PPP2R2B: variants seen among roughly 807,000 people sequenced by gnomAD.
The protein encoded by PPP2R2B is protein phosphatase 2 regulatory subunit Bbeta, also known as serine/threonine-protein phosphatase 2A 55 kDa regulatory subunit B beta isoform.
Under a neutral mutation model 46.0 loss-of-function variants are expected in PPP2R2B, and 5 were observed. The observed-to-expected ratio is 0.11, with a 90% CI of 0.06 to 0.23. The LOEUF is 0.23. PPP2R2B is among the 10% of genes least tolerant of loss of function. The pLI, the probability that PPP2R2B is intolerant of heterozygous loss-of-function variation, is 1.00. For missense variants in PPP2R2B, 367 were observed against 575.0 expected (o/e 0.64, Z 3.70); for synonymous variants, 215 against 206.7 (o/e 1.04, Z -0.34).
intron 1 of PPP2R2B, among the ~76,000 whole-genome samples, chr5:146,979,278 T>C (rs1018946541): frequency 1.3e-5 from 2 of 152,180 alleles, no homozygotes; most frequent in African/African-American, 4.8e-5. Context: ...CTATCTAATA[T>C]TGCTTCTCTG....
At chr5:146,593,170 T>C in intron 8 of PPP2R2B, 108 bp from the exon 9 acceptor site, 1 of 979,340 alleles carries the variant, frequency 1.0e-6, no homozygotes, top group Non-Finnish European at 1.6e-6. Flanking sequence ...TTGTACATGC[T>C]CTTTGAATCA....
At chr5:146,967,682 C>T (rs537780375) in intron 1 of PPP2R2B, among the ~76,000 whole-genome samples, 5 of 152,234 alleles carry the variant, frequency 3.3e-5, no homozygotes, top group Admixed American at 2.0e-4. Flanking sequence ...AAAGCACTTC[C>T]CAGAATGTTT....
At chr5:146,630,317 T>C (rs1774342341) in intron 7 of PPP2R2B, among the ~76,000 whole-genome samples, 1 of 152,248 alleles carries the variant, frequency 6.6e-6, no homozygotes, top group Non-Finnish European at 1.5e-5. Flanking sequence ...CTAATTTTCT[T>C]ACAGCTTTTT....
intron 5 of PPP2R2B, among the ~76,000 whole-genome samples, chr5:146,683,125 A>G (rs1778282757): frequency 6.6e-6 from 1 of 152,100 alleles, no homozygotes; most frequent in African/African-American, 2.4e-5. Flanking sequence ...ATGTTCCCAG[A>G]GTCTGATGAT....
rs1769990152 is a variant in PPP2R2B at position 146,583,348 on chromosome 5, C to A, written c.*6599G>T. On this transcript the variant is annotated 3_prime_UTR_variant, in exon 10 of 10. Transcript: ENST00000394411. ...GAATGCATATTTGTGGGCCAGGCAT[C>A]CTTCTAAGAGCTTTGTGCATATTAA... 6.6e-6 allele frequency: 1 copy of A among 152,152 alleles called. No homozygotes were observed. Among genetic ancestry groups the A allele is most frequent in the Non-Finnish European group, 1.5e-5 (1 of 68,030 alleles). The allele number at this position is 152,152 out of a possible 1,614,324, so 9.4% of individuals were successfully genotyped here.
intron 1 of PPP2R2B, among the ~76,000 whole-genome samples, chr5:147,050,671 A>AAC (rs10631399): frequency 0.67 from 100,776 of 149,980 alleles, 34,675 homozygotes; most frequent in South Asian, 0.77. Flanking sequence ...GTTAGGGATA[A>AAC]ACACACACAC....
At chr5:146,687,308 G>A (rs551378394) in intron 5 of PPP2R2B, among the ~76,000 whole-genome samples, 45 of 152,220 alleles carry the variant, frequency 3.0e-4, no homozygotes, top group Non-Finnish European at 4.1e-4. Context: ...GCATCGGATC[G>A]AAGGGCTCAG....
At chr5:146,687,858 C>A (rs1160145247) in intron 5 of PPP2R2B, among the ~76,000 whole-genome samples, 3 of 152,114 alleles carry the variant, frequency 2.0e-5, no homozygotes, top group Non-Finnish European at 4.4e-5. Flanking sequence ...ATTAAATGTT[C>A]TCACTCTCAA....
At chr5:146,739,383 C>A (rs1414482051) in intron 2 of PPP2R2B, among the ~76,000 whole-genome samples, 2 of 152,086 alleles carry the variant, frequency 1.3e-5, no homozygotes, top group Non-Finnish European at 2.9e-5. Flanking sequence ...GCATTCCAAA[C>A]CCAGTGTTAA....
chr5:146,953,991 A>C (rs2151837279), intron 1 of PPP2R2B, among the ~76,000 whole-genome samples: 1 of 152,302 alleles, frequency 6.6e-6, no homozygotes, highest in East Asian at 1.9e-4. Flanking sequence ...TTGGGATATG[A>C]ATATCTACCA....
rs117551764 is a variant in PPP2R2B, at chr5:146,723,013, G to A, written c.71-21871C>T. 1.2e-3 allele frequency among the ~76,000 whole-genome samples: 184 copies of A among 152,186 alleles called. 1 individual carries two copies. The East Asian group carries it at 0.015, about 13-fold the overall frequency. On this transcript the variant is annotated intron_variant, in intron 2 of 9. Transcript: ENST00000394411. ...ATTCATCCTCGATCCTCAGATTGTC[G>A]TCTCTTCCTCCAGGAAGTCTTCCTT...
At chr5:146,945,035 G>C (rs1764435781) in intron 1 of PPP2R2B, among the ~76,000 whole-genome samples, 1 of 152,140 alleles carries the variant, frequency 6.6e-6, no homozygotes, top group African/African-American at 2.4e-5. Flanking sequence ...TAGACAAACT[G>C]ACTTCTAGTA....
rs144310592 is a variant in PPP2R2B, at chr5:146,974,890, C to A, written c.79+80775G>T. Among the ~76,000 whole-genome samples the A allele has an allele frequency of 6.4e-3, 968 of 152,064 alleles. 4 individuals are homozygous for A. The highest frequency in any genetic ancestry group is 0.014 in the Middle Eastern group (4 of 294). The stretch of plus-strand genomic sequence containing the variant: ...GTTTTTAATAGACACGGGGTTTCAC[C>A]ATGTTAGCCAGGATGGTCTTGATCT... On this transcript the variant is annotated intron_variant, in intron 1 of 8. Transcript: ENST00000336640.
At chr5:146,992,333 C>T (rs1048894433) in intron 1 of PPP2R2B, among the ~76,000 whole-genome samples, 1 of 152,212 alleles carries the variant, frequency 6.6e-6, no homozygotes, top group Non-Finnish European at 1.5e-5. Flanking sequence ...AAGATATTTT[C>T]ACTGGATATC....
chr5:147,057,889 C>A (rs550686230), upstream of PPP2R2B, among the ~76,000 whole-genome samples: 1 of 152,120 alleles, frequency 6.6e-6, no homozygotes, highest in African/African-American at 2.4e-5. Context: ...GAGTCTTAAA[C>A]GACACTGTTG....
At chr5:146,953,270 T>C (rs781633391) in intron 1 of PPP2R2B, among the ~76,000 whole-genome samples, 1 of 152,210 alleles carries the variant, frequency 6.6e-6, no homozygotes, top group African/African-American at 2.4e-5. Flanking sequence ...TCAAAATACA[T>C]ACACATATAC....
intron 2 of PPP2R2B, among the ~76,000 whole-genome samples, chr5:146,801,880 A>G (rs944212019): frequency 3.9e-5 from 6 of 152,210 alleles, no homozygotes; most frequent in African/African-American, 1.4e-4. Context: ...GCTAAGCCCA[A>G]ATTCGAAGAT....
At chr5:146,779,086 G>A (rs1426129126) in intron 2 of PPP2R2B, among the ~76,000 whole-genome samples, 1 of 152,122 alleles carries the variant, frequency 6.6e-6, no homozygotes, top group African/African-American at 2.4e-5. Context: ...AATCCATCTG[G>A]GAAATCTCTC....
At chr5:146,811,857 G>A (rs865904691) in intron 2 of PPP2R2B, among the ~76,000 whole-genome samples, 16 of 151,258 alleles carry the variant, frequency 1.1e-4, no homozygotes, top group East Asian at 1.9e-4. Flanking sequence ...GTGAGCCACC[G>A]TGCCCAGCCA....
Sources: allele counts gnomAD v4.1 joint callset (sites outside exome capture counted in the v4.1 genomes callset), GRCh38; gene constraint gnomAD v4.1.1; transcripts MANE v1.5; gene names NCBI Gene and HGNC (gene_info 2026-07-23, HGNC 2026-07-21).